CYRIA: variants seen among roughly 807,000 people sequenced by gnomAD.
CYRIA encodes the protein CYFIP-related Rac1 interactor A.
CYRIA carries 15 observed loss-of-function variants against 43.9 expected under a neutral mutation model. That is an observed-to-expected ratio of 0.34 (90% CI 0.23 to 0.53). The LOEUF is 0.53. Ranked by LOEUF, CYRIA falls within the 20% of genes least tolerant of loss-of-function variation. CYRIA has a pLI of 0.94. For missense variants in CYRIA, 236 were observed against 394.2 expected (o/e 0.60, Z 3.40); for synonymous variants, 117 against 136.0 (o/e 0.86, Z 0.97).
chr2:16,625,439 A>G (rs1669133055), intron 1 of CYRIA, among the ~76,000 whole-genome samples: 1 of 152,162 alleles, frequency 6.6e-6, no homozygotes, highest in Non-Finnish European at 1.5e-5. Flanking sequence ...GAGGGAAGGA[A>G]ATGATAGAGA....
At chr2:16,589,688 G>T (rs1027001589) in intron 2 of CYRIA, among the ~76,000 whole-genome samples, 5 of 152,000 alleles carry the variant, frequency 3.3e-5, no homozygotes, top group African/African-American at 1.2e-4. Flanking sequence ...AAGTGCTCAA[G>T]AAAAATTACG....
Position 16,552,700 on chromosome 2 carries a change from G to C in CYRIA, c.*236C>G, listed in dbSNP as rs78495239. ...TCCAGTAGCAAAGATCAAAGTCTCC[G>C]AATTTTGCCTTTGGAGAAGGGGGTT... On this transcript the variant is annotated 3_prime_UTR_variant, in exon 12 of 12. Transcript: ENST00000381323. 4.3e-6 allele frequency: 2 copies of C among 464,798 alleles called. No individual in the cohort carries two copies. Among genetic ancestry groups the C allele is most frequent in the Non-Finnish European group, 7.6e-6 (2 of 261,668 alleles). 28.8% of individuals were successfully genotyped at this position (464,798 alleles called of 1,614,324 possible). A position where few individuals can be genotyped will look rare whatever the true frequency, so the allele number is the denominator to read the frequency against.
intron 2 of CYRIA, among the ~76,000 whole-genome samples, chr2:16,590,070 A>G (rs964690473): frequency 2.7e-5 from 2 of 74,396 alleles, no homozygotes; most frequent in Non-Finnish European, 5.3e-5. Flanking sequence ...GCATGCATGC[A>G]CACACACACA....
intron 3 of CYRIA, among the ~76,000 whole-genome samples, chr2:16,583,700 G>T (rs1489879983): frequency 2.6e-5 from 4 of 152,120 alleles, no homozygotes; most frequent in African/African-American, 9.7e-5. Flanking sequence ...AGATTAGTTT[G>T]CTACATTAAT....
chr2:16,612,082 G>A (rs1010205354), intron 2 of CYRIA, among the ~76,000 whole-genome samples: 1 of 152,098 alleles, frequency 6.6e-6, no homozygotes, highest in African/African-American at 2.4e-5. Flanking sequence ...TTACCTGCCT[G>A]TCTCTCCTCC....
chr2:16,577,090 C>G (rs1248631858), intron 3 of CYRIA, among the ~76,000 whole-genome samples: 1 of 152,082 alleles, frequency 6.6e-6, no homozygotes, highest in Non-Finnish European at 1.5e-5. Flanking sequence ...GAGATCTATG[C>G]TACAACAACT....
chr2:16,578,725 C>A, intron 3 of CYRIA, among the ~76,000 whole-genome samples: 1 of 151,090 alleles, frequency 6.6e-6, no homozygotes, highest in African/African-American at 2.4e-5. Context: ...AAACTGTATA[C>A]AAAGAAAAAA....
intron 5 of CYRIA, 93 bp from the exon 6 acceptor site, chr2:16,562,234 G>A (rs1034676151): frequency 8.3e-5 from 112 of 1,356,068 alleles, no homozygotes; most frequent in Non-Finnish European, 5.4e-5. Context: ...CAATCTCGGA[G>A]ATCACCTGCT....
chr2:16,615,480 T>C (rs1247013847), intron 2 of CYRIA, among the ~76,000 whole-genome samples: 1 of 152,208 alleles, frequency 6.6e-6, no homozygotes, highest in African/African-American at 2.4e-5. Flanking sequence ...CACTGCAGGC[T>C]GGGCTTTGTA....
chr2:16,615,458 C>T (rs1464568955), intron 2 of CYRIA, among the ~76,000 whole-genome samples: 1 of 152,144 alleles, frequency 6.6e-6, no homozygotes, highest in African/African-American at 2.4e-5. Flanking sequence ...GGGATAGGAC[C>T]CACTGAGCCC....
At chr2:16,588,658 A>G (rs1377641753) in intron 2 of CYRIA, among the ~76,000 whole-genome samples, 1 of 152,068 alleles carries the variant, frequency 6.6e-6, no homozygotes, top group Non-Finnish European at 1.5e-5. Flanking sequence ...CTGTCCAAAA[A>G]AGTAAGTTCC....
At chr2:16,590,548 C>T (rs1667894712) in intron 2 of CYRIA, among the ~76,000 whole-genome samples, 1 of 152,034 alleles carries the variant, frequency 6.6e-6, no homozygotes, top group African/African-American at 2.4e-5. Flanking sequence ...GTCAGAGTAC[C>T]TAAGTAGAAG....
intron 2 of CYRIA, among the ~76,000 whole-genome samples, chr2:16,623,635 C>A (rs1669068310): frequency 1.3e-5 from 2 of 152,198 alleles, no homozygotes; most frequent in Admixed American, 1.3e-4. Flanking sequence ...CGACTCTGTT[C>A]TTCCCCTGCA....
intron 1 of CYRIA, among the ~76,000 whole-genome samples, chr2:16,658,870 A>C (rs549829650): frequency 6.6e-6 from 1 of 152,274 alleles, no homozygotes; most frequent in Admixed American, 6.5e-5. Context: ...GAACATAGTT[A>C]TCTTGTGTTC....
At chr2:16,593,720 T>G (rs1363801278) in intron 2 of CYRIA, among the ~76,000 whole-genome samples, 761 of 18,604 alleles carry the variant, frequency 0.041, 11 homozygotes, top group East Asian at 0.3. Flanking sequence ...GTGTGTGTGT[T>G]TTTTTTTTTT....
chr2:16,630,099 C>G (rs934834325), intron 1 of CYRIA, among the ~76,000 whole-genome samples: 12 of 152,150 alleles, frequency 7.9e-5, no homozygotes, highest in African/African-American at 2.9e-4. Context: ...GACTGTGTGC[C>G]AGGCATGGTC....
At chr2:16,636,596 G>A (rs1669504609) in intron 1 of CYRIA, among the ~76,000 whole-genome samples, 1 of 152,064 alleles carries the variant, frequency 6.6e-6, no homozygotes, top group South Asian at 2.1e-4. Context: ...CCAGTGCTGA[G>A]TCACCTATCT....
At chr2:16,615,836 C>A (rs186298453) in intron 2 of CYRIA, among the ~76,000 whole-genome samples, 28 of 152,352 alleles carry the variant, frequency 1.8e-4, no homozygotes, top group Admixed American at 9.1e-4. Context: ...CTTTCTGAAC[C>A]GATACCAGCA....
At chr2:16,585,838 A>G (rs11682640) in intron 3 of CYRIA, among the ~76,000 whole-genome samples, 80,088 of 152,000 alleles carry the variant, frequency 0.53, 23,903 homozygotes, top group African/African-American at 0.81. Flanking sequence ...GGGGGATGGA[A>G]TTTTCTAACA....
Sources: allele counts gnomAD v4.1 joint callset (sites outside exome capture counted in the v4.1 genomes callset), GRCh38; gene constraint gnomAD v4.1.1; transcripts MANE v1.5; gene names NCBI Gene and HGNC (gene_info 2026-07-23, HGNC 2026-07-21).